Variants in ATOSA observed in about 807,000 individuals in gnomAD.
The protein encoded by ATOSA is atos homolog protein A.
chr15:52,581,981 C>T, the ATOSA span: 68 of 520,274 alleles, frequency 1.3e-4, no homozygotes, highest in Middle Eastern at 1.4e-3. Flanking sequence ...ATGAGTTTTT[C>T]CAGTCTACAT....
At chr15:52,603,840 G>C in the ATOSA span, among the ~76,000 whole-genome samples, 1 of 152,136 alleles carries the variant, frequency 6.6e-6, no homozygotes, top group Non-Finnish European at 1.5e-5. Context: ...AGAGTTGTGA[G>C]GAGGGAGGGA....
the ATOSA span, among the ~76,000 whole-genome samples, chr15:52,595,180 T>C: frequency 6.6e-6 from 1 of 152,202 alleles, no homozygotes; most frequent in Non-Finnish European, 1.5e-5. Flanking sequence ...GCAGAGATAG[T>C]AGATACACAA....
At chr15:52,629,475 C>T in the ATOSA span, among the ~76,000 whole-genome samples, 1 of 151,344 alleles carries the variant, frequency 6.6e-6, no homozygotes, top group South Asian at 2.1e-4. Flanking sequence ...CCTTTCATGC[C>T]CTAAAAATCC....
the ATOSA span, among the ~76,000 whole-genome samples, chr15:52,596,691 A>G: frequency 1.2e-3 from 189 of 152,340 alleles, no homozygotes; most frequent in Admixed American, 1.7e-3. Context: ...TCTGCTAAAC[A>G]TCCCACAATG....
chr15:52,650,971 C>T, the ATOSA span, among the ~76,000 whole-genome samples: 1 of 152,134 alleles, frequency 6.6e-6, no homozygotes, highest in African/African-American at 2.4e-5. Context: ...TTTATTAAAA[C>T]ACTTTAAAAC....
the ATOSA span, among the ~76,000 whole-genome samples, chr15:52,674,508 T>A: frequency 6.6e-6 from 1 of 152,202 alleles, no homozygotes; most frequent in South Asian, 2.1e-4. Context: ...CACTTAAAAA[T>A]CTAATTATTC....
At chr15:52,600,872 T>G in the ATOSA span, among the ~76,000 whole-genome samples, 1 of 151,878 alleles carries the variant, frequency 6.6e-6, no homozygotes, top group Non-Finnish European at 1.5e-5. Context: ...AAAACCAATG[T>G]AAGAGTTTAT....
At chr15:52,683,272 A>G in the ATOSA span, among the ~76,000 whole-genome samples, 1 of 152,232 alleles carries the variant, frequency 6.6e-6, no homozygotes, top group African/African-American at 2.4e-5. Flanking sequence ...TGAGGCTCAG[A>G]GAAACAAGTA....
the ATOSA span, chr15:52,605,062 G>C: frequency 4.0e-6 from 4 of 1,012,144 alleles, no homozygotes; most frequent in Non-Finnish European, 5.8e-6. Flanking sequence ...ATTAAAATTT[G>C]AATGAAATTA....
the ATOSA span, among the ~76,000 whole-genome samples, chr15:52,672,778 C>CT: frequency 7.2e-5 from 11 of 152,184 alleles, no homozygotes; most frequent in African/African-American, 1.7e-4. Flanking sequence ...TTCCAATTAT[C>CT]TTTTTTTTCT....
chr15:52,646,895 C>A, the ATOSA span, among the ~76,000 whole-genome samples: 1 of 150,754 alleles, frequency 6.6e-6, no homozygotes, highest in African/African-American at 2.4e-5. Context: ...TCAAAAGGGT[C>A]AGTAGAAGAT....
chr15:52,584,926 T>C, the ATOSA span: 4 of 1,610,448 alleles, frequency 2.5e-6, no homozygotes, highest in Non-Finnish European at 3.4e-6. Context: ...ACCACAGTCT[T>C]ATTAGGATTA....
the ATOSA span, among the ~76,000 whole-genome samples, chr15:52,687,429 G>C: frequency 6.6e-6 from 1 of 151,974 alleles, no homozygotes; most frequent in East Asian, 1.9e-4. Flanking sequence ...TAAATAAATT[G>C]CAATTTGGTT....
the ATOSA span, among the ~76,000 whole-genome samples, chr15:52,643,484 TC>T: frequency 1.1e-4 from 4 of 37,324 alleles, no homozygotes; most frequent in Non-Finnish European, 6.1e-4. Flanking sequence ...CGACAGCATC[TC>T]ACTATGTTGC....
chr15:52,674,649 T>G, the ATOSA span, among the ~76,000 whole-genome samples: 2,804 of 152,254 alleles, frequency 0.018, 94 homozygotes, highest in African/African-American at 0.065. Flanking sequence ...CTCAGATAAC[T>G]ATATATTAAA....
At chr15:52,605,842 G>C in the ATOSA span, among the ~76,000 whole-genome samples, 1 of 151,958 alleles carries the variant, frequency 6.6e-6, no homozygotes, top group Non-Finnish European at 1.5e-5. Context: ...TATATTCCAT[G>C]AACCCCAGTG....
the ATOSA span, among the ~76,000 whole-genome samples, chr15:52,605,590 G>A: frequency 0.049 from 7,496 of 152,168 alleles, 327 homozygotes; most frequent in East Asian, 0.24. Context: ...TCAAATTTGG[G>A]ATGCTCAAAC....
chr15:52,587,248 C>T, the ATOSA span: 1 of 1,582,022 alleles, frequency 6.3e-7, no homozygotes, highest in South Asian at 1.1e-5. Flanking sequence ...AAATTGAGTA[C>T]AAACTGATGC....
the ATOSA span, chr15:52,613,554 A>T: frequency 8.2e-7 from 1 of 1,219,858 alleles, no homozygotes; most frequent in Non-Finnish European, 1.1e-6. Context: ...TTTTCCCTTT[A>T]TGATTATGAT....
Sources: gnomAD v4.1 joint callset for allele counts (sites outside exome capture counted in the v4.1 genomes callset) on GRCh38, gnomAD v4.1.1 for gene constraint, MANE v1.5 for transcripts, NCBI Gene and HGNC (gene_info 2026-07-23, HGNC 2026-07-21) for gene names.